Variants in AKAP19 observed in about 807,000 individuals in gnomAD.
AKAP19 encodes A-kinase anchoring protein 19.
the AKAP19 span, among the ~76,000 whole-genome samples, chr2:190,054,243 G>A: frequency 1.3e-5 from 2 of 151,986 alleles, no homozygotes; most frequent in Non-Finnish European, 1.5e-5. Flanking sequence ...ATAGGGAAAG[G>A]ATTCCCTATT....
chr2:189,885,260 C>T, the AKAP19 span, among the ~76,000 whole-genome samples: 1 of 152,314 alleles, frequency 6.6e-6, no homozygotes, highest in South Asian at 2.1e-4. Flanking sequence ...AGAAACCTTG[C>T]AGCCTTCCTG....
chr2:190,107,272 C>A, the AKAP19 span, among the ~76,000 whole-genome samples: 34 of 152,232 alleles, frequency 2.2e-4, no homozygotes, highest in South Asian at 6.6e-3. Context: ...CAGACTATGT[C>A]TTTATCTGTA....
chr2:189,893,401 G>A, the AKAP19 span, among the ~76,000 whole-genome samples: 1 of 152,218 alleles, frequency 6.6e-6, no homozygotes, highest in Non-Finnish European at 1.5e-5. Flanking sequence ...CATGGGAAAA[G>A]CATAGTATCT....
chr2:190,070,622 C>A, the AKAP19 span, among the ~76,000 whole-genome samples: 50 of 136,722 alleles, frequency 3.7e-4, no homozygotes, highest in East Asian at 2.2e-3. Context: ...TCTCCCCCCC[C>A]CCTTTTTTTT....
the AKAP19 span, chr2:190,180,954 G>C: frequency 1.0e-6 from 1 of 985,336 alleles, no homozygotes; most frequent in Non-Finnish European, 1.2e-6. The surrounding 1 kb of genome is among the most constrained non-coding windows in gnomAD (Gnocchi z 6.8). Context: ...CCCGGCCTCA[G>C]CTGCCGCCCG....
the AKAP19 span, among the ~76,000 whole-genome samples, chr2:189,921,571 G>A: frequency 6.6e-6 from 1 of 152,130 alleles, no homozygotes; most frequent in Non-Finnish European, 1.5e-5. Flanking sequence ...ATGGATGATA[G>A]TGAAGAAAGG....
chr2:189,973,246 G>GT, the AKAP19 span, among the ~76,000 whole-genome samples: 17 of 152,078 alleles, frequency 1.1e-4, no homozygotes, highest in East Asian at 2.9e-3. Context: ...ATAATCATGT[G>GT]TTTTTTTGTC....
chr2:190,176,829 A>G, the AKAP19 span, among the ~76,000 whole-genome samples: 1 of 152,216 alleles, frequency 6.6e-6, no homozygotes, highest in Non-Finnish European at 1.5e-5. The surrounding 1 kb of genome is among the most constrained non-coding windows in gnomAD (Gnocchi z 4.7). Context: ...CTCAGAGAAG[A>G]TATCTGGGCC....
the AKAP19 span, chr2:190,060,316 T>C: frequency 8.7e-6 from 14 of 1,612,912 alleles, no homozygotes; most frequent in Non-Finnish European, 1.2e-5. Context: ...GTTGTAGGAG[T>C]CTCGACGGGT....
the AKAP19 span, among the ~76,000 whole-genome samples, chr2:190,158,145 A>G: frequency 1.3e-5 from 2 of 152,306 alleles, no homozygotes; most frequent in East Asian, 1.9e-4. Context: ...GCTCAAATCA[A>G]TCACGACCCT....
At chr2:190,161,083 A>G in the AKAP19 span, among the ~76,000 whole-genome samples, 72,103 of 151,486 alleles carry the variant, frequency 0.48, 18,818 homozygotes, top group East Asian at 0.83. Flanking sequence ...CAGAGTTTCA[A>G]CATAGTTCTC....
the AKAP19 span, among the ~76,000 whole-genome samples, chr2:190,167,064 T>G: frequency 2.0e-5 from 3 of 152,174 alleles, no homozygotes; most frequent in Non-Finnish European, 4.4e-5. Context: ...AAGAAAAATA[T>G]AGGGTATTAG....
At chr2:190,154,901 GATC>G in the AKAP19 span, among the ~76,000 whole-genome samples, 4 of 152,204 alleles carry the variant, frequency 2.6e-5, no homozygotes, top group Non-Finnish European at 4.4e-5. Flanking sequence ...GTGTAGAAGA[GATC>G]TGTGTTTGGA....
chr2:190,092,241 A>G, the AKAP19 span, among the ~76,000 whole-genome samples: 1 of 152,202 alleles, frequency 6.6e-6, no homozygotes, highest in Non-Finnish European at 1.5e-5. Flanking sequence ...GATTAACTCC[A>G]GTTCCAAGAA....
chr2:189,985,702 C>T, the AKAP19 span, among the ~76,000 whole-genome samples: 1 of 152,228 alleles, frequency 6.6e-6, no homozygotes, highest in East Asian at 1.9e-4. Flanking sequence ...GTCCAGCTGA[C>T]AGCTTGAGTT....
At chr2:190,104,121 G>A in the AKAP19 span, among the ~76,000 whole-genome samples, 1 of 152,294 alleles carries the variant, frequency 6.6e-6, no homozygotes, top group African/African-American at 2.4e-5. Flanking sequence ...TGCTAGGATA[G>A]CTGGCTAGCC....
chr2:189,951,841 A>C, the AKAP19 span, among the ~76,000 whole-genome samples: 1 of 152,232 alleles, frequency 6.6e-6, no homozygotes, highest in African/African-American at 2.4e-5. Flanking sequence ...TAGCAAATGC[A>C]GGAAGAACTC....
the AKAP19 span, chr2:190,079,888 TGTGAGAGAGA>T: frequency 1.0e-5 from 1 of 97,672 alleles, no homozygotes; most frequent in Non-Finnish European, 2.4e-5. Flanking sequence ...TGTGTGTGTG[TGTGAGAGAGA>T]GAGAGAGAGA....
At chr2:190,013,287 T>A in the AKAP19 span, among the ~76,000 whole-genome samples, 3 of 152,170 alleles carry the variant, frequency 2.0e-5, no homozygotes, top group African/African-American at 7.2e-5. Flanking sequence ...TCAATCTCTT[T>A]ACTTAGTATT....
Sources: allele counts gnomAD v4.1 joint callset (sites outside exome capture counted in the v4.1 genomes callset), GRCh38; gene constraint gnomAD v4.1.1; non-coding constraint Gnocchi (gnomAD v3.1); transcripts MANE v1.5; gene names NCBI Gene and HGNC (gene_info 2026-07-23, HGNC 2026-07-21).